The following SPTSSB variants were observed in gnomAD, a reference collection of about 807,000 sequenced individuals.
SPTSSB encodes serine palmitoyltransferase small subunit B.
SPTSSB carries 6 observed loss-of-function variants against 7.7 expected under a neutral mutation model. The observed-to-expected ratio is 0.78, with a 90% CI of 0.43 to 1.54. The LOEUF (loss-of-function observed/expected upper bound fraction) is 1.54, where lower values mean the gene tolerates loss of function less well. Among genes scored for constraint, SPTSSB ranks in the 40% most tolerant of loss-of-function variants. The pLI is 0.01. For synonymous variants in SPTSSB, 28 were observed against 29.7 expected (o/e 0.94, Z 0.19); for missense variants, 91 against 93.0 (o/e 0.98, Z 0.09).
chr3:161,364,912 T>C (rs1715157155), intron 1 of SPTSSB, among the ~76,000 whole-genome samples: 2 of 152,206 alleles, frequency 1.3e-5, no homozygotes, highest in South Asian at 4.1e-4. Flanking sequence ...TTAACTTTCT[T>C]GTTCAATAGG....
rs151275672 is a variant in SPTSSB at position 161,347,560 on chromosome 3, A to T, written c.-32-1205T>A. ...GACAGGCATAAGCCACTGTACCCGA[A>T]CTTGTTGTGGCTTTTACAAATGCAC... On this transcript the variant is annotated intron_variant, in intron 2 of 2. Coordinates refer to ENST00000620149, the MANE Select transcript of SPTSSB (RefSeq NM_001040100.2). Among the ~76,000 whole-genome samples, 24 of 152,092 alleles carry T rather than the reference A, an allele frequency of 1.6e-4. No homozygotes were observed. The East Asian group carries it at 4.7e-3, about 30-fold the overall frequency.
intron 2 of SPTSSB, among the ~76,000 whole-genome samples, chr3:161,354,374 G>A (rs886500597): frequency 2.0e-5 from 3 of 152,148 alleles, no homozygotes; most frequent in South Asian, 2.1e-4. Flanking sequence ...ACAAGGTCTC[G>A]CTCTGTCACT....
chr3:161,369,334 T>TTC (rs1426546238), intron 1 of SPTSSB, among the ~76,000 whole-genome samples: 2 of 105,750 alleles, frequency 1.9e-5, no homozygotes, highest in African/African-American at 8.1e-5. Flanking sequence ...CTTTCTTTCT[T>TTC]TCTTTCTTTC....
chr3:161,364,619 C>T (rs1715143361), intron 1 of SPTSSB, among the ~76,000 whole-genome samples: 1 of 151,952 alleles, frequency 6.6e-6, no homozygotes, highest in Non-Finnish European at 1.5e-5. Flanking sequence ...AAAGATAATA[C>T]AACACCCTTA....
intron 2 of SPTSSB, among the ~76,000 whole-genome samples, chr3:161,349,767 G>A (rs932456102): frequency 1.3e-5 from 2 of 152,208 alleles, no homozygotes; most frequent in African/African-American, 4.8e-5. Context: ...TGATAATACC[G>A]GCTGTAGCCT....
intron 1 of SPTSSB, among the ~76,000 whole-genome samples, chr3:161,366,497 G>T (rs778601811): frequency 3.9e-5 from 6 of 152,090 alleles, no homozygotes; most frequent in Non-Finnish European, 7.4e-5. Flanking sequence ...GAAATTAACT[G>T]GGAGCTGGTA....
chr3:161,368,121 A>G (rs941650654), intron 1 of SPTSSB, among the ~76,000 whole-genome samples: 4 of 152,046 alleles, frequency 2.6e-5, no homozygotes, highest in African/African-American at 7.2e-5. Context: ...TAAATATTTC[A>G]TATATTTTAA....
chr3:161,365,872 C>T (rs76357082), intron 1 of SPTSSB, among the ~76,000 whole-genome samples: 4,591 of 152,276 alleles, frequency 0.03, 99 homozygotes, highest in South Asian at 0.12. Flanking sequence ...CTCCTCAGGT[C>T]TCCTTTAAAC....
intron 2 of SPTSSB, among the ~76,000 whole-genome samples, chr3:161,350,088 A>C (rs1162511494): frequency 6.6e-6 from 1 of 152,176 alleles, no homozygotes; most frequent in Admixed American, 6.5e-5. Context: ...CTGCTGTATG[A>C]GTCATGGAAT....
At chr3:161,352,092 T>C (rs1714567612) in intron 2 of SPTSSB, among the ~76,000 whole-genome samples, 1 of 152,244 alleles carries the variant, frequency 6.6e-6, no homozygotes, top group Non-Finnish European at 1.5e-5. Flanking sequence ...CCTTACAGTC[T>C]TCTAAACTGC....
chr3:161,366,236 G>T (rs533570933), intron 1 of SPTSSB, among the ~76,000 whole-genome samples: 2 of 152,268 alleles, frequency 1.3e-5, no homozygotes, highest in African/African-American at 2.4e-5. Context: ...AGAGGAAGAG[G>T]CCAAAAGTAA....
intron 2 of SPTSSB, among the ~76,000 whole-genome samples, chr3:161,347,756 C>G (rs1714323360): frequency 6.6e-6 from 1 of 151,892 alleles, no homozygotes; most frequent in East Asian, 2.0e-4. Flanking sequence ...ACCTGTAATC[C>G]CAGCCGCTGG....
intron 1 of SPTSSB, among the ~76,000 whole-genome samples, chr3:161,363,121 A>G (rs1446402894): frequency 6.6e-6 from 1 of 151,794 alleles, no homozygotes; most frequent in Non-Finnish European, 1.5e-5. Context: ...TTTCATTTCC[A>G]TTATGTTGGT....
chr3:161,359,725 T>A, intron 2 of SPTSSB, 77 bp downstream of exon 2: 3 of 985,164 alleles, frequency 3.0e-6, no homozygotes, highest in Non-Finnish European at 3.6e-6. Flanking sequence ...ACTAGATGTG[T>A]TAATGACGCC....
At chr3:161,356,897 G>A (rs1423470310) in intron 2 of SPTSSB, among the ~76,000 whole-genome samples, 1 of 152,100 alleles carries the variant, frequency 6.6e-6, no homozygotes, top group African/African-American at 2.4e-5. Context: ...TGGGAGGATC[G>A]CTTGAGCCCA....
chr3:161,353,470 A>G (rs994102565), intron 2 of SPTSSB, among the ~76,000 whole-genome samples: 3 of 152,206 alleles, frequency 2.0e-5, no homozygotes, highest in African/African-American at 7.2e-5. Context: ...TGATTGCTAC[A>G]TGGCTTCACT....
intron 2 of SPTSSB, among the ~76,000 whole-genome samples, chr3:161,358,823 A>G (rs1714892368): frequency 1.3e-5 from 2 of 152,228 alleles, no homozygotes; most frequent in South Asian, 4.1e-4. Flanking sequence ...CAGGCATCCT[A>G]CAAGTATTTT....
In SPTSSB at chr3:161,351,876, C is replaced by T. The variant is rs9836154; in HGVS notation, c.-32-5521G>A. Among the ~76,000 whole-genome samples the T allele has an allele frequency of 9.6e-3, 1,459 of 152,258 alleles. 35 individuals are homozygous for T. The highest frequency in any genetic ancestry group is 0.015 in the South Asian group (72 of 4,826). Reference sequence around the variant, plus strand: ...AGTGTTAGCTTCTCTAAGATGTCTCCGTACTGTCCAATATGGCAGCCACTA... The same window carrying T: ...AGTGTTAGCTTCTCTAAGATGTCTCTGTACTGTCCAATATGGCAGCCACTA... On this transcript the variant is annotated intron_variant, in intron 2 of 2. Coordinates refer to ENST00000620149, the MANE Select transcript of SPTSSB (RefSeq NM_001040100.2).
At chr3:161,354,766 T>TA (rs1282047887) in intron 2 of SPTSSB, among the ~76,000 whole-genome samples, 5 of 152,208 alleles carry the variant, frequency 3.3e-5, no homozygotes, top group Admixed American at 3.3e-4. Flanking sequence ...ATGTGTTGAG[T>TA]AACTGCAATT....
Sources: allele counts gnomAD v4.1 joint callset (sites outside exome capture counted in the v4.1 genomes callset), GRCh38; gene constraint gnomAD v4.1.1; transcripts MANE v1.5; gene names NCBI Gene and HGNC (gene_info 2026-07-23, HGNC 2026-07-21).